Variants in FAM3C observed in about 807,000 individuals in gnomAD.
The protein encoded by FAM3C is FAM3 metabolism regulating signaling molecule C.
In FAM3C, 15 loss-of-function variants were observed where a neutral mutation model predicts 32.5. That is an observed-to-expected ratio of 0.46 (90% CI 0.31 to 0.71). FAM3C has a LOEUF of 0.71. FAM3C is among the 30% of genes least tolerant of loss of function. The pLI, the probability that FAM3C is intolerant of heterozygous loss-of-function variation, is 0.05. For synonymous variants in FAM3C, 75 were observed against 86.1 expected, an observed-to-expected ratio of 0.87 and a Z score of 0.72; for missense variants, 175 against 274.4, an observed-to-expected ratio of 0.64 and a Z score of 2.56.
chr7:121,383,855 T>A (rs1163286775), intron 1 of FAM3C, among the ~76,000 whole-genome samples: 3 of 152,182 alleles, frequency 2.0e-5, no homozygotes, highest in Non-Finnish European at 4.4e-5. Flanking sequence ...CTCAACCTAT[T>A]GTAAAGGAAT....
At chr7:121,363,033 T>G in intron 6 of FAM3C, 86 bp from the exon 7 acceptor site, 1 of 662,120 alleles carries the variant, frequency 1.5e-6, no homozygotes, top group Non-Finnish European at 2.7e-6. Context: ...ATGATTGATG[T>G]GAATTCATTA....
chr7:121,351,311 A>G (rs377300911), intron 8 of FAM3C, 42 bp from the exon 9 acceptor site: 14 of 1,588,770 alleles, frequency 8.8e-6, no homozygotes, highest in Non-Finnish European at 1.1e-5. Context: ...AACAGAGGGA[A>G]CTGTATGCTA....
chr7:121,372,296 C>T (rs1432443678), intron 3 of FAM3C, among the ~76,000 whole-genome samples, 157 bp from the exon 4 acceptor site: 3 of 152,124 alleles, frequency 2.0e-5, no homozygotes, highest in African/African-American at 7.2e-5. Flanking sequence ...AAAGTAACTT[C>T]ACACTGTACA....
At chr7:121,356,726 C>A (rs542121490) in intron 8 of FAM3C, among the ~76,000 whole-genome samples, 2 of 152,220 alleles carry the variant, frequency 1.3e-5, no homozygotes, top group South Asian at 4.2e-4. Flanking sequence ...AAGCCCTTCA[C>A]GTAGGCATAA....
At chr7:121,391,508 A>G (rs1794577084) in intron 1 of FAM3C, among the ~76,000 whole-genome samples, 1 of 152,244 alleles carries the variant, frequency 6.6e-6, no homozygotes, top group South Asian at 2.1e-4. Context: ...TAGAACTGCT[A>G]TCTTCATCTC....
chr7:121,373,616 A>G (rs2116923454), intron 3 of FAM3C, among the ~76,000 whole-genome samples: 1 of 152,370 alleles, frequency 6.6e-6, no homozygotes, highest in Admixed American at 6.5e-5. Context: ...GGGCTAATGA[A>G]TCAGAACTAT....
intron 5 of FAM3C, chr7:121,364,407 T>A: frequency 2.2e-6 from 1 of 448,610 alleles, no homozygotes; most frequent in Non-Finnish European, 3.9e-6. Context: ...CAAATAGAAA[T>A]ACATATTAAA....
chr7:121,373,253 G>A (rs1339299728), intron 3 of FAM3C, among the ~76,000 whole-genome samples: 1 of 152,088 alleles, frequency 6.6e-6, no homozygotes. Flanking sequence ...ACAGTAAGGG[G>A]AGTAGATACT....
intron 6 of FAM3C, among the ~76,000 whole-genome samples, chr7:121,363,580 G>A (rs1263037906): frequency 2.0e-5 from 3 of 151,952 alleles, no homozygotes; most frequent in Middle Eastern, 3.2e-3. Flanking sequence ...ATAGCTTTAT[G>A]GAATACTTAT....
chr7:121,388,587 C>A (rs1794513309), intron 1 of FAM3C, among the ~76,000 whole-genome samples: 1 of 151,878 alleles, frequency 6.6e-6, no homozygotes. Context: ...GTCAAGTGAA[C>A]CAATAAGAGT....
rs372349580 is a variant in FAM3C, at chr7:121,363,992, T to C, written c.331+138A>G. ...ACACCAAGTCTCCACCCATAGATTT[T>C]TTGCAGGGCAGGGATGGGACAGAGG... is the stretch of plus-strand genomic sequence containing the variant. On this transcript the variant is annotated intron_variant, in intron 6 of 9. Coordinates refer to ENST00000359943, the MANE Select transcript of FAM3C (RefSeq NM_014888.3). 2.2e-4 allele frequency: 132 copies of C among 589,324 alleles called. No individual in the cohort carries two copies. In the African/African-American group the frequency reaches 2.2e-3, roughly 10 times the overall value. 36.5% of individuals were successfully genotyped at this position (589,324 alleles called of 1,614,324 possible).
intron 1 of FAM3C, among the ~76,000 whole-genome samples, chr7:121,384,950 G>A (rs1296774957): frequency 6.6e-6 from 1 of 152,092 alleles, no homozygotes; most frequent in Non-Finnish European, 1.5e-5. Context: ...TGTCTTCTTA[G>A]AGGGGGCATG....
intron 1 of FAM3C, among the ~76,000 whole-genome samples, chr7:121,391,867 T>C (rs1794584563): frequency 1.3e-5 from 2 of 152,182 alleles, no homozygotes; most frequent in South Asian, 2.1e-4. Context: ...GACATCAACC[T>C]CACTTGATTT....
chr7:121,352,653 C>A (rs1793727428), intron 8 of FAM3C, among the ~76,000 whole-genome samples: 1 of 152,198 alleles, frequency 6.6e-6, no homozygotes, highest in Admixed American at 6.5e-5. Flanking sequence ...ACTGGCTTTC[C>A]CTCCACAGTT....
At chr7:121,357,139 T>C (rs1238663812) in intron 8 of FAM3C, among the ~76,000 whole-genome samples, 1 of 152,104 alleles carries the variant, frequency 6.6e-6, no homozygotes, top group Non-Finnish European at 1.5e-5. Context: ...GTGATGGAGA[T>C]CAGTCCTAGT....
chr7:121,374,050 A>G (rs915243307), intron 3 of FAM3C, among the ~76,000 whole-genome samples: 1 of 152,148 alleles, frequency 6.6e-6, no homozygotes, highest in East Asian at 1.9e-4. Flanking sequence ...AGCAATATAG[A>G]CAAAAATAAT....
At chr7:121,350,607 G>T in intron 9 of FAM3C, 57 bp from the exon 10 acceptor site, 1 of 1,557,012 alleles carries the variant, frequency 6.4e-7, no homozygotes, top group East Asian at 2.3e-5. Flanking sequence ...CTGCTGATTT[G>T]CCGTAACATT....
At chr7:121,357,870 A>T (rs1256549319) in intron 8 of FAM3C, among the ~76,000 whole-genome samples, 2 of 152,164 alleles carry the variant, frequency 1.3e-5, no homozygotes, top group African/African-American at 4.8e-5. Context: ...GCATATTAGC[A>T]GGTTAAGGGG....
intron 4 of FAM3C, 103 bp from the exon 5 acceptor site, chr7:121,371,526 T>A: frequency 3.3e-6 from 4 of 1,215,780 alleles, no homozygotes; most frequent in Non-Finnish European, 4.7e-6. Flanking sequence ...AAGAAAAACA[T>A]CAAGATACAC....
Sources: gnomAD v4.1 joint callset for allele counts (sites outside exome capture counted in the v4.1 genomes callset) on GRCh38, gnomAD v4.1.1 for gene constraint, MANE v1.5 for transcripts, NCBI Gene and HGNC (gene_info 2026-07-23, HGNC 2026-07-21) for gene names.